The following DLC1 variants were observed in gnomAD, a reference collection of about 807,000 sequenced individuals.
DLC1 encodes DLC1 Rho GTPase activating protein.
DLC1 carries 54 observed loss-of-function variants against 140.3 expected under a neutral mutation model. The ratio of observed to expected loss-of-function variants is 0.38; its 90% CI spans 0.31 to 0.48. The LOEUF (loss-of-function observed/expected upper bound fraction) is 0.48. Among genes scored for constraint, DLC1 ranks in the 20% least tolerant of loss-of-function variants. The pLI is 0.96. For synonymous variants in DLC1, 986 were observed against 728.1 expected (o/e 1.35, Z -5.70); for missense variants, 2,536 against 1,907.0 (o/e 1.33, Z -6.14).
intron 5 of DLC1, among the ~76,000 whole-genome samples, chr8:13,179,344 T>A (rs1937060969): frequency 6.6e-6 from 1 of 152,126 alleles, no homozygotes; most frequent in Non-Finnish European, 1.5e-5. Flanking sequence ...GGGTTTTAGT[T>A]AAAGAGGTAT....
chr8:13,173,346 G>A (rs910326624), intron 5 of DLC1, among the ~76,000 whole-genome samples: 2 of 147,166 alleles, frequency 1.4e-5, no homozygotes, highest in South Asian at 4.3e-4. Context: ...ACCAAATAAT[G>A]CTTCTTTCTT....
At chr8:13,264,584 G>C (rs912314479) in intron 5 of DLC1, among the ~76,000 whole-genome samples, 60 of 152,138 alleles carry the variant, frequency 3.9e-4, no homozygotes, top group African/African-American at 1.4e-3. Context: ...ACTTCAGGGG[G>C]AGCGGGAGAG....
At chr8:13,446,856 C>T (rs181101921) in intron 2 of DLC1, among the ~76,000 whole-genome samples, 17 of 151,770 alleles carry the variant, frequency 1.1e-4, no homozygotes, top group East Asian at 3.9e-4. Context: ...GCAGAAGAAT[C>T]GCTTGAACCC....
intron 3 of DLC1, among the ~76,000 whole-genome samples, chr8:13,399,066 G>C (rs1455612800): frequency 6.6e-6 from 1 of 152,176 alleles, no homozygotes; most frequent in Non-Finnish European, 1.5e-5. Context: ...CCCAATCAAA[G>C]GTGGTACAGT....
intron 5 of DLC1, among the ~76,000 whole-genome samples, chr8:13,162,854 A>G (rs545828242): frequency 6.6e-6 from 1 of 152,264 alleles, no homozygotes; most frequent in Admixed American, 6.5e-5. Context: ...GGATCTCTTG[A>G]GCCCAGGAGT....
intron 1 of DLC1, among the ~76,000 whole-genome samples, chr8:13,566,359 C>T: frequency 7.6e-6 from 1 of 132,178 alleles, no homozygotes; most frequent in Non-Finnish European, 1.6e-5. Context: ...CGCCCCTGCT[C>T]CCCACCCCCG....
intron 5 of DLC1, among the ~76,000 whole-genome samples, chr8:13,274,963 G>C (rs1397662175): frequency 6.6e-6 from 1 of 152,164 alleles, no homozygotes; most frequent in Admixed American, 6.6e-5. Context: ...TTGCAAATGA[G>C]ATCATACACC....
chr8:13,560,679 T>G (rs1274323091), intron 1 of DLC1, among the ~76,000 whole-genome samples: 1 of 152,204 alleles, frequency 6.6e-6, no homozygotes, highest in Non-Finnish European at 1.5e-5. Context: ...GAATGTGGCC[T>G]TATTTGGAGA....
intron 5 of DLC1, among the ~76,000 whole-genome samples, chr8:13,156,749 A>G (rs1824288031): frequency 6.6e-6 from 1 of 152,228 alleles, no homozygotes; most frequent in African/African-American, 2.4e-5. Flanking sequence ...TTTAGGTGGA[A>G]GGCTAGCTCA....
At chr8:13,599,230 T>A (rs1805783581) in intron 1 of DLC1, among the ~76,000 whole-genome samples, 1 of 151,900 alleles carries the variant, frequency 6.6e-6, no homozygotes, top group South Asian at 2.1e-4. Context: ...AAAGCAAATA[T>A]ATTCACAATT....
chr8:13,341,449 A>G (rs989921946), intron 4 of DLC1: 1 of 150,612 alleles, frequency 6.6e-6, no homozygotes, highest in Non-Finnish European at 1.5e-5. Flanking sequence ...GCCCCCACAC[A>G]TGGTTTCTGA....
At chr8:13,321,543 GA>G (rs869200841) in intron 4 of DLC1, among the ~76,000 whole-genome samples, 459 of 10,486 alleles carry the variant, frequency 0.044, 1 homozygote, top group African/African-American at 0.089. Context: ...TCTCAAAAAA[GA>G]AAAAAAAAAA....
chr8:13,110,950 T>G, intron 6 of DLC1, 127 bp from the exon 7 acceptor site: 2 of 761,040 alleles, frequency 2.6e-6, no homozygotes, highest in Non-Finnish European at 4.4e-6. Context: ...GGACACCTCA[T>G]TCCCCGTCAA....
chr8:13,486,602 C>T lies in DLC1; in HGVS notation c.1023+12447G>A, dbSNP rs147347493. Among the ~76,000 whole-genome samples, 511 of 152,096 alleles carry T rather than the reference C, an allele frequency of 3.4e-3. 3 individuals carry two copies. The highest frequency in any genetic ancestry group is 0.012 in the African/African-American group (498 of 41,488). On this transcript the variant is annotated intron_variant, in intron 2 of 17. Coordinates refer to ENST00000276297, the MANE Select transcript of DLC1 (RefSeq NM_182643.3). ...TACAGCTCCTTGGTCTTGTCAATAC[C>T]CACACATTTTATTTTAGTTCAAATG...
chr8:13,551,681 T>C (rs1249720049), intron 1 of DLC1, among the ~76,000 whole-genome samples: 1 of 151,902 alleles, frequency 6.6e-6, no homozygotes, highest in Non-Finnish European at 1.5e-5. Flanking sequence ...TTTATCTAGA[T>C]GAAAAACTTT....
rs191977735 is a variant in DLC1, at chr8:13,210,467, A to T, written c.1348+94802T>A. The stretch of plus-strand genomic sequence containing the variant: ...GGAGATGAAAGTTTAGAAGAAAAAA[A>T]TCGAAGTATGCTAACCCTGCTAATA... On this transcript the variant is annotated intron_variant, in intron 5 of 17. Transcript: ENST00000276297. Among the ~76,000 whole-genome samples, 136 of 152,340 alleles carry T rather than the reference A, an allele frequency of 8.9e-4. 1 individual carries two copies. The highest frequency in any genetic ancestry group is 8.9e-3 in the Admixed American group (136 of 15,300).
At chr8:13,258,380 C>A (rs1193052527) in intron 5 of DLC1, among the ~76,000 whole-genome samples, 4 of 152,188 alleles carry the variant, frequency 2.6e-5, no homozygotes. Context: ...AGAATAGGCT[C>A]TGAAAAACAT....
At chr8:13,167,848 A>G (rs897682429) in intron 5 of DLC1, among the ~76,000 whole-genome samples, 1 of 152,238 alleles carries the variant, frequency 6.6e-6, no homozygotes, top group Non-Finnish European at 1.5e-5. Context: ...TTATTTTATT[A>G]AACCGCAATT....
chr8:13,418,395 G>A (rs539955649), intron 2 of DLC1, among the ~76,000 whole-genome samples: 1 of 152,234 alleles, frequency 6.6e-6, no homozygotes, highest in Non-Finnish European at 1.5e-5. Context: ...TTTTGTATAA[G>A]GTGTAAGGAA....
Sources: gnomAD v4.1 joint callset for allele counts (sites outside exome capture counted in the v4.1 genomes callset) on GRCh38, gnomAD v4.1.1 for gene constraint, MANE v1.5 for transcripts, NCBI Gene and HGNC (gene_info 2026-07-23, HGNC 2026-07-21) for gene names.